The following OSBPL10 variants were observed in gnomAD, a reference collection of about 807,000 sequenced individuals.
The protein encoded by OSBPL10 is oxysterol-binding protein-related protein 10.
OSBPL10 carries 49 observed loss-of-function variants against 81.7 expected under a neutral mutation model. The observed-to-expected ratio is 0.60, with a 90% CI of 0.48 to 0.76. The LOEUF (loss-of-function observed/expected upper bound fraction) is 0.76. Among genes scored for constraint, OSBPL10 ranks in the 30% least tolerant of loss-of-function variants. The probability of loss-of-function intolerance (pLI) is 0.00; values close to 1 mark genes in which losing one functional copy is unlikely to be tolerated. For missense variants in OSBPL10, 923 were observed against 987.8 expected (o/e 0.93, Z 0.88); for synonymous variants, 419 against 383.6 (o/e 1.09, Z -1.08).
upstream of OSBPL10, among the ~76,000 whole-genome samples, chr3:31,984,633 C>G (rs906872647): frequency 1.3e-5 from 2 of 152,126 alleles, no homozygotes; most frequent in Non-Finnish European, 2.9e-5. Context: ...CTTGTGACCT[C>G]TGGAAAAATG....
intron 4 of OSBPL10, among the ~76,000 whole-genome samples, chr3:31,808,059 G>GT (rs1270190638): frequency 1.3e-5 from 2 of 152,132 alleles, no homozygotes; most frequent in African/African-American, 4.8e-5. Flanking sequence ...TCCCGATTTT[G>GT]TAACTGAGCA....
Position 31,696,407 on chromosome 3 carries a change from A to G in OSBPL10, c.1245+5952T>C, listed in dbSNP as rs537303443. ...CCCTTTTATATCAAAGTTCCTTTAA[A>G]GAGCTATCTTTACTCCCCGTCTTTA... is the stretch of plus-strand genomic sequence containing the variant. On this transcript the variant is annotated intron_variant, in intron 7 of 11. Transcript: ENST00000396556. 2.0e-5 allele frequency among the ~76,000 whole-genome samples: 3 copies of G among 152,382 alleles called. No homozygotes were observed. In the South Asian group the frequency reaches 6.2e-4, roughly 32 times the overall value.
chr3:31,728,601 T>C (rs1258851787), intron 6 of OSBPL10, among the ~76,000 whole-genome samples: 1 of 152,230 alleles, frequency 6.6e-6, no homozygotes, highest in East Asian at 1.9e-4. Context: ...CTTAGAATGA[T>C]TCACATAACA....
At chr3:31,810,468 GAC>G (rs1311075416) in intron 4 of OSBPL10, among the ~76,000 whole-genome samples, 1 of 133,112 alleles carries the variant, frequency 7.5e-6, no homozygotes, top group Non-Finnish European at 1.6e-5. Context: ...TCTAAAGATT[GAC>G]ACTTTGACTA....
chr3:31,899,419 G>C (rs949011257), intron 1 of OSBPL10, among the ~76,000 whole-genome samples: 3 of 152,078 alleles, frequency 2.0e-5, no homozygotes, highest in Non-Finnish European at 2.9e-5. Flanking sequence ...AAGAAACATA[G>C]AAAAAGCTGG....
At chr3:31,770,332 T>TA (rs554860473) in intron 4 of OSBPL10, among the ~76,000 whole-genome samples, 51 of 152,154 alleles carry the variant, frequency 3.4e-4, no homozygotes, top group African/African-American at 1.1e-3. Context: ...TTTCAAAGAT[T>TA]AAAAAATAAT....
At chr3:31,792,731 C>G in intron 4 of OSBPL10, among the ~76,000 whole-genome samples, 1 of 134,030 alleles carries the variant, frequency 7.5e-6, no homozygotes, top group Non-Finnish European at 1.6e-5. Flanking sequence ...CTCAGCTATC[C>G]AGACACAGAG....
At chr3:31,846,047 C>T (rs1398479112) in intron 3 of OSBPL10, among the ~76,000 whole-genome samples, 1 of 152,172 alleles carries the variant, frequency 6.6e-6, no homozygotes, top group African/African-American at 2.4e-5. Flanking sequence ...GGGTCTCACT[C>T]TGTCACCCAG....
chr3:32,001,066 A>T (rs924147181), intron 2 of OSBPL10, among the ~76,000 whole-genome samples: 17 of 152,166 alleles, frequency 1.1e-4, no homozygotes, highest in African/African-American at 3.9e-4. Context: ...AAACAGGCAG[A>T]GTTGAGAGAT....
chr3:31,750,359 G>T (rs4955112), intron 4 of OSBPL10, among the ~76,000 whole-genome samples: 56,153 of 152,008 alleles, frequency 0.37, 12,309 homozygotes, highest in East Asian at 0.73. Context: ...GTCTGCTGAT[G>T]TATCCCAAGT....
chr3:32,015,410 T>G (rs968314474), intron 2 of OSBPL10, among the ~76,000 whole-genome samples: 20 of 152,204 alleles, frequency 1.3e-4, no homozygotes, highest in African/African-American at 4.6e-4. Flanking sequence ...AAGCTGAAAC[T>G]GGATCCCTTC....
At chr3:31,992,765 A>G (rs1273986197) in intron 2 of OSBPL10, among the ~76,000 whole-genome samples, 1 of 152,256 alleles carries the variant, frequency 6.6e-6, no homozygotes, top group Non-Finnish European at 1.5e-5. Context: ...AGGCCAAGGC[A>G]GGAACATCAC....
intron 4 of OSBPL10, among the ~76,000 whole-genome samples, chr3:31,801,563 TGAG>T (rs2125450836): frequency 6.6e-6 from 1 of 152,282 alleles, no homozygotes; most frequent in South Asian, 2.1e-4. Context: ...CCCAGGCCCC[TGAG>T]GTCTATCCCT....
At chr3:31,762,260 C>A (rs1698068306) in intron 4 of OSBPL10, among the ~76,000 whole-genome samples, 1 of 152,154 alleles carries the variant, frequency 6.6e-6, no homozygotes, top group Non-Finnish European at 1.5e-5. Context: ...GCTTCCCCCA[C>A]ATTTATCTTT....
chr3:31,703,872 T>A (rs1294007983), intron 6 of OSBPL10: 1 of 152,198 alleles, frequency 6.6e-6, no homozygotes, highest in Non-Finnish European at 1.5e-5. Context: ...AGCCACCTCA[T>A]AATGGGTATT....
chr3:31,973,132 C>T (rs571859963), intron 1 of OSBPL10, among the ~76,000 whole-genome samples: 421 of 152,246 alleles, frequency 2.8e-3, no homozygotes, highest in Non-Finnish European at 4.5e-3. Flanking sequence ...CCCACGTTTC[C>T]GGCACAATCA....
chr3:31,923,240 C>A (rs1696969654), intron 1 of OSBPL10, among the ~76,000 whole-genome samples: 1 of 152,158 alleles, frequency 6.6e-6, no homozygotes, highest in Non-Finnish European at 1.5e-5. Flanking sequence ...GCTAAACCAC[C>A]AATTTGGTTA....
At chr3:32,019,978 AG>A (rs1384936648) in intron 2 of OSBPL10, among the ~76,000 whole-genome samples, 1 of 152,162 alleles carries the variant, frequency 6.6e-6, no homozygotes, top group African/African-American at 2.4e-5. Context: ...GAATTTGCGG[AG>A]GGATTTCTCT....
intron 6 of OSBPL10, chr3:31,719,009 T>C (rs1048979202): frequency 3.9e-5 from 6 of 152,210 alleles, no homozygotes; most frequent in African/African-American, 1.4e-4. Flanking sequence ...CCAGGAAGGA[T>C]AAATGTATAT....
Sources: allele counts gnomAD v4.1 joint callset (sites outside exome capture counted in the v4.1 genomes callset), GRCh38; gene constraint gnomAD v4.1.1; transcripts MANE v1.5; gene names NCBI Gene and HGNC (gene_info 2026-07-23, HGNC 2026-07-21).